Variants in ACAN observed in about 807,000 individuals in gnomAD.
ACAN encodes the protein aggrecan.
A neutral mutation model predicts 169.1 loss-of-function variants in ACAN; 47 were observed. The ratio of observed to expected loss-of-function variants is 0.28; its 90% CI spans 0.22 to 0.35. ACAN has a LOEUF of 0.35. ACAN is among the 10% of genes least tolerant of loss of function. The pLI, the probability that ACAN is intolerant of heterozygous loss-of-function variation, is 1.00. For synonymous variants in ACAN, 1,115 were observed against 1,112.2 expected (o/e 1.00, Z -0.05); for missense variants, 2,716 against 2,759.9 (o/e 0.98, Z 0.36).
At chr15:88,846,393 G>A (rs770995478) in intron 7 of ACAN, among the ~76,000 whole-genome samples, 1 of 152,022 alleles carries the variant, frequency 6.6e-6, no homozygotes, top group Non-Finnish European at 1.5e-5. Flanking sequence ...AAATAGTTAG[G>A]GGCAAAAAGT....
At chr15:88,825,078 C>T (rs903644194) in intron 1 of ACAN, among the ~76,000 whole-genome samples, 14 of 152,188 alleles carry the variant, frequency 9.2e-5, no homozygotes, top group South Asian at 2.1e-4. Flanking sequence ...AAAATCAGCT[C>T]GTGTGGTCAA....
chr15:88,825,682 G>C (rs1288131097), intron 1 of ACAN, among the ~76,000 whole-genome samples: 1 of 152,200 alleles, frequency 6.6e-6, no homozygotes, highest in Non-Finnish European at 1.5e-5. Context: ...CAGGGACATA[G>C]ATCAGTGAGT....
In ACAN at chr15:88,849,043, G is replaced by T. The variant is rs1367738599; in HGVS notation, c.1733-395G>T. Among the ~76,000 whole-genome samples, 1 of 152,244 alleles carries T rather than the reference G, an allele frequency of 6.6e-6. No homozygotes were observed. The highest frequency in any genetic ancestry group is 1.5e-5 in the Non-Finnish European group (1 of 68,042). ...CAGTCACAGTGATAAGTGCAGTGGT[G>T]TAGGGGTGCAAAGGGATTGGAGGGG... On this transcript the variant is annotated intron_variant, in intron 9 of 18. Coordinates refer to ENST00000560601, the MANE Select transcript of ACAN (RefSeq NM_001369268.1). This position sits in a 1 kb window ranked among gnomAD's most constrained non-coding sequence, Gnocchi z 5.1.
intron 1 of ACAN, among the ~76,000 whole-genome samples, chr15:88,828,450 C>T (rs775411929): frequency 2.6e-5 from 4 of 152,156 alleles, no homozygotes; most frequent in Admixed American, 1.3e-4. Context: ...AGAGCCTCCC[C>T]TCACTTCTGT....
Position 88,866,158 on chromosome 15 carries a change from G to C in ACAN, c.6947-2058G>C, listed in dbSNP as rs1287515127. ...AGCAGGTTTTATGCGACCAGCCTCT[G>C]AGACAACTGGATACCCCCCAGCCTG... On this transcript the variant is annotated intron_variant, in intron 13 of 18. Transcript: ENST00000560601. This position sits in a 1 kb window ranked among gnomAD's most constrained non-coding sequence, Gnocchi z 5.6. 1.3e-5 allele frequency among the ~76,000 whole-genome samples: 2 copies of C among 152,282 alleles called. No homozygotes were observed. The highest frequency in any genetic ancestry group is 4.8e-5 in the African/African-American group (2 of 41,580).
chr15:88,832,668 A>G (rs1302636669), intron 1 of ACAN, among the ~76,000 whole-genome samples: 1 of 152,182 alleles, frequency 6.6e-6, no homozygotes, highest in East Asian at 1.9e-4. Flanking sequence ...CCATTGTCCT[A>G]TTTTCCAAAT....
rs79576223 is a variant in ACAN, at chr15:88,863,427, A to G, written c.6946+2988A>G. Reference sequence around the variant, plus strand: ...CCCCACTCTGAGATAGTCTGATTCAATTGGTCTAAAGAGGAACTTCAGCAT... The same window carrying G: ...CCCCACTCTGAGATAGTCTGATTCAGTTGGTCTAAAGAGGAACTTCAGCAT... On this transcript the variant is annotated intron_variant, in intron 13 of 18. Coordinates refer to ENST00000560601, the MANE Select transcript of ACAN (RefSeq NM_001369268.1). Among the ~76,000 whole-genome samples, 339 of 152,352 alleles carry G rather than the reference A, an allele frequency of 2.2e-3. 1 individual carries two copies. The highest frequency in any genetic ancestry group is 7.7e-3 in the African/African-American group (319 of 41,588).
intron 1 of ACAN, among the ~76,000 whole-genome samples, chr15:88,804,554 G>T (rs146733505): frequency 6.6e-6 from 1 of 152,308 alleles, no homozygotes; most frequent in Non-Finnish European, 1.5e-5. Context: ...GACCACGAGC[G>T]GTTTTTCCGT....
rs773211569 is a variant in ACAN, at chr15:88,845,676, C to G, written c.1223C>G (p.Ser408Cys). ...ACCGTAAAGCCCATCTTCGAGGTCT[C>G]CCCCAGTCCCCTGGAACCCGAGGAG... Reference protein sequence around the residue: ...ILTVKPIFEVSPSPLEPEEPF... With the variant: ...ILTVKPIFEVCPSPLEPEEPF... Residue 408 changes from serine to cysteine, a missense_variant, in exon 7 of 19, where the codon TCC becomes TGC. Ser to Cys is a moderately radical substitution (Grantham distance 112). This residue lies in a region of ACAN where 1,283 missense variants were observed against 1,281.5 expected (regional missense o/e 1.00). Transcript: ENST00000560601. The G allele has an allele frequency of 3.1e-5, 50 of 1,613,902 alleles. No individual in the cohort carries two copies. The highest frequency in any genetic ancestry group is 3.9e-5 in the Non-Finnish European group (46 of 1,179,890).
chr15:88,850,983 A>G (rs1365883798), intron 10 of ACAN: 1 of 150,784 alleles, frequency 6.6e-6, no homozygotes, highest in African/African-American at 2.4e-5. Context: ...GCCAGCCTCA[A>G]TAAGTCAAGT....
At chr15:88,845,125 A>T (rs547381592) in intron 6 of ACAN, among the ~76,000 whole-genome samples, 1 of 152,190 alleles carries the variant, frequency 6.6e-6, no homozygotes, top group East Asian at 1.9e-4. Context: ...CTTATAACTG[A>T]CTTACCTGGT....
intron 1 of ACAN, among the ~76,000 whole-genome samples, chr15:88,832,386 G>C (rs781397556): frequency 7.3e-5 from 11 of 150,900 alleles, no homozygotes; most frequent in Non-Finnish European, 1.3e-4. Flanking sequence ...AAAGTGGGTG[G>C]ATCACTTGAG....
chr15:88,844,296 T>A (rs111997149), intron 6 of ACAN, among the ~76,000 whole-genome samples: 13 of 35,512 alleles, frequency 3.7e-4, no homozygotes, highest in African/African-American at 1.2e-3. Context: ...ATGCTTTGCT[T>A]TTTTTTTTTT....
rs372355753 is a variant in ACAN, at chr15:88,843,338, G to A, written c.758-17G>A. 2 of 1,550,418 alleles carry A rather than the reference G, an allele frequency of 1.3e-6. No individual in the cohort carries two copies. Among genetic ancestry groups the A allele is most frequent in the Middle Eastern group, 1.7e-4 (1 of 5,770 alleles). On this transcript the variant is annotated splice_polypyrimidine_tract_variant and intron_variant, in intron 5 of 18. Coordinates refer to ENST00000560601, the MANE Select transcript of ACAN (RefSeq NM_001369268.1). The surrounding 1 kb of genome is among the most constrained non-coding windows in gnomAD (Gnocchi z 4.0). ...GGGGGGAGAAGACCCTTACCCAGCT[G>A]GCTGTGTCCTTCACAGGTGAGGTCT...
At chr15:88,806,262 C>G (rs987548884) in intron 1 of ACAN, among the ~76,000 whole-genome samples, 8 of 152,210 alleles carry the variant, frequency 5.3e-5, no homozygotes, top group Non-Finnish European at 1.2e-4. Context: ...CCTAAGCCCC[C>G]TTGTGGGTCA....
In ACAN at chr15:88,858,042, C is replaced by T. The variant is rs753249074; in HGVS notation, c.5457C>T (p.Thr1819=). The change falls in exon 12 of 19, where the codon ACC becomes ACT. Residue 1819 remains threonine (T), a synonymous_variant. Coordinates refer to ENST00000560601, the MANE Select transcript of ACAN (RefSeq NM_001369268.1). This position sits in a 1 kb window ranked among gnomAD's most constrained non-coding sequence, Gnocchi z 4.0. ...GAGTCCCTGACCTGGTTTCTGGTAC[C>T]ACGAGTGGCAGCGGTGAATCTTCTG... The part of the protein sequence containing the change: ...TSGVPDLVSG[T]TSGSGESSGI... 6.2e-7 allele frequency: 1 copy of T among 1,613,916 alleles called. No homozygotes were observed. The highest frequency in any genetic ancestry group is 1.7e-5 in the Admixed American group (1 of 60,000).
chr15:88,843,581 C>G lies in ACAN; in HGVS notation c.984C>G (p.Val328=). Residue 328 remains valine, a synonymous_variant, in exon 6 of 19, where the codon GTC becomes GTG. Transcript: ENST00000560601. The surrounding 1 kb of genome is among the most constrained non-coding windows in gnomAD (Gnocchi z 4.0). ...CGGNLLGVRT[V]YVHANQTGYP... The stretch of plus-strand genomic sequence containing the variant: ...GCAACCTCCTGGGCGTGAGGACCGT[C>G]TACGTGCATGCCAACCAGACGGGCT... The G allele has an allele frequency of 6.2e-7, 1 of 1,608,552 alleles. No homozygotes were observed. Among genetic ancestry groups the G allele is most frequent in the Non-Finnish European group, 8.5e-7 (1 of 1,176,316 alleles).
At chr15:88,832,629 C>T (rs958433290) in intron 1 of ACAN, among the ~76,000 whole-genome samples, 16 of 152,158 alleles carry the variant, frequency 1.1e-4, no homozygotes, top group African/African-American at 3.6e-4. Context: ...AATGAGGATT[C>T]GGATTGTAGA....
At position 88,871,652 on chromosome 15, in the gene ACAN, C is replaced by T; in HGVS notation, c.7219+112C>T. 1 of 1,369,742 alleles carries T rather than the reference C, an allele frequency of 7.3e-7. No homozygotes were observed. Among genetic ancestry groups the T allele is most frequent in the Non-Finnish European group, 9.8e-7 (1 of 1,020,026 alleles). The allele number at this position is 1,369,742 out of a possible 1,614,324, so 84.8% of individuals were successfully genotyped here. On this transcript the variant is annotated intron_variant, in intron 15 of 18. Transcript: ENST00000560601. This position sits in a 1 kb window ranked among gnomAD's most constrained non-coding sequence, Gnocchi z 7.8. ...CCTCGTGAGACTGCAGGACAGGGAC[C>T]TGGGGGAGGGGGAACAGTGTTCCCA...
Sources: allele counts gnomAD v4.1 joint callset (sites outside exome capture counted in the v4.1 genomes callset), GRCh38; gene constraint gnomAD v4.1.1; regional missense constraint gnomAD v4.1.1; non-coding constraint Gnocchi (gnomAD v3.1); transcripts MANE v1.5; gene names NCBI Gene and HGNC (gene_info 2026-07-23, HGNC 2026-07-21).